Variants in PDZRN4 observed in about 807,000 individuals in gnomAD.
PDZRN4 encodes PDZ domain containing ring finger 4, also known as PDZ domain-containing RING finger protein 4.
PDZRN4 carries 70 observed loss-of-function variants against 99.0 expected under a neutral mutation model. That is an observed-to-expected ratio of 0.71 (90% CI 0.58 to 0.86). The LOEUF is 0.86. PDZRN4 is among the 40% of genes least tolerant of loss of function. The pLI is 0.00. For missense variants in PDZRN4, 1,474 were observed against 1,331.2 expected, an observed-to-expected ratio of 1.11 and a Z score of -1.67; for synonymous variants, 551 against 501.6, an observed-to-expected ratio of 1.10 and a Z score of -1.32.
intron 3 of PDZRN4, among the ~76,000 whole-genome samples, chr12:41,498,897 T>A (rs1938059904): frequency 6.6e-6 from 1 of 152,142 alleles, no homozygotes; most frequent in Non-Finnish European, 1.5e-5. Flanking sequence ...TTTGCAAAGA[T>A]AACAAATTTT....
chr12:41,435,648 C>G (rs1952622947), intron 3 of PDZRN4, among the ~76,000 whole-genome samples: 1 of 152,040 alleles, frequency 6.6e-6, no homozygotes, highest in Non-Finnish European at 1.5e-5. Flanking sequence ...ATTAGCCAGG[C>G]ATGGTGGCAC....
chr12:41,500,624 A>G (rs1027615184), intron 3 of PDZRN4, among the ~76,000 whole-genome samples: 1 of 152,024 alleles, frequency 6.6e-6, no homozygotes, highest in African/African-American at 2.4e-5. Flanking sequence ...GGTTTCCTTC[A>G]TACAATTTTG....
At chr12:41,439,396 C>T (rs1952658167) in intron 3 of PDZRN4, among the ~76,000 whole-genome samples, 1 of 152,110 alleles carries the variant, frequency 6.6e-6, no homozygotes, top group Non-Finnish European at 1.5e-5. Context: ...AGTATTGTTT[C>T]TCTTTGGGTG....
At chr12:41,417,221 T>C (rs1046997655) in intron 3 of PDZRN4, among the ~76,000 whole-genome samples, 1 of 152,330 alleles carries the variant, frequency 6.6e-6, no homozygotes. Context: ...AAAAGGCTTG[T>C]AATTCATACA....
chr12:41,565,491 T>C (rs913639465), intron 8 of PDZRN4, among the ~76,000 whole-genome samples: 11 of 150,064 alleles, frequency 7.3e-5, no homozygotes, highest in Admixed American at 2.7e-4. Flanking sequence ...TATTTTTCCA[T>C]TGAACTCAAT....
At chr12:41,285,644 C>T (rs573724308) in intron 3 of PDZRN4, among the ~76,000 whole-genome samples, 12 of 152,246 alleles carry the variant, frequency 7.9e-5, no homozygotes, top group East Asian at 3.9e-4. Context: ...GAAAATATGG[C>T]ACATGTACAC....
intron 3 of PDZRN4, chr12:41,411,965 C>T (rs1386928209): frequency 2.6e-5 from 4 of 152,136 alleles, no homozygotes; most frequent in South Asian, 2.1e-4. Context: ...AGGTCTACTC[C>T]GGTGTCTGCT....
chr12:41,228,436 G>A (rs1034374997), intron 3 of PDZRN4, among the ~76,000 whole-genome samples: 6 of 151,924 alleles, frequency 3.9e-5, no homozygotes, highest in East Asian at 3.9e-4. Flanking sequence ...TCACAACACC[G>A]TTAGTATTAT....
chr12:41,422,581 A>C (rs533076946), intron 3 of PDZRN4, among the ~76,000 whole-genome samples: 1 of 152,258 alleles, frequency 6.6e-6, no homozygotes, highest in South Asian at 2.1e-4. Context: ...CCTTCTTCAC[A>C]TGGTGACAGG....
rs1939508939 is a variant in PDZRN4 at position 41,572,932 on chromosome 12, G to A, written c.2153G>A (p.Arg718Lys). ...RNYNTSIDMQ[R>K]GKLDDIMEHP... ...TATAACACCAGCATAGATATGCAAA[G>A]GGGAAAGCTAGATGACATCATGGAG... is the stretch of plus-strand genomic sequence containing the variant. The change falls in exon 10 of 10, where the codon AGG becomes AAG. Residue 718 changes from arginine (R) to lysine (K), a missense_variant. Coordinates refer to ENST00000402685, the MANE Select transcript of PDZRN4 (RefSeq NM_001164595.2). 6.2e-7 allele frequency: 1 copy of A among 1,614,064 alleles called. No homozygotes were observed. Among genetic ancestry groups the A allele is most frequent in the South Asian group, 1.1e-5 (1 of 91,072 alleles).
chr12:41,380,319 G>T (rs1201504948), intron 3 of PDZRN4, among the ~76,000 whole-genome samples: 1 of 151,946 alleles, frequency 6.6e-6, no homozygotes, highest in East Asian at 1.9e-4. Context: ...TTTGATTTGA[G>T]AATTTAATTC....
At chr12:41,200,779 G>C (rs940391756) in intron 3 of PDZRN4, among the ~76,000 whole-genome samples, 1 of 152,012 alleles carries the variant, frequency 6.6e-6, no homozygotes, top group African/African-American at 2.4e-5. Flanking sequence ...ATCATCCTGG[G>C]CACCTGGCAA....
At chr12:41,351,302 G>A (rs1337384174) in intron 3 of PDZRN4, among the ~76,000 whole-genome samples, 3 of 152,020 alleles carry the variant, frequency 2.0e-5, no homozygotes, top group Non-Finnish European at 4.4e-5. Flanking sequence ...GTAGTAGTAT[G>A]GTGTTGTAGG....
chr12:41,494,915 A>T (rs1032663383), intron 3 of PDZRN4, among the ~76,000 whole-genome samples: 2 of 152,160 alleles, frequency 1.3e-5, no homozygotes, highest in African/African-American at 2.4e-5. Flanking sequence ...TTTCAAACTG[A>T]TGTGAAATAC....
chr12:41,261,265 T>G (rs1316724200), intron 3 of PDZRN4, among the ~76,000 whole-genome samples: 2 of 152,210 alleles, frequency 1.3e-5, no homozygotes, highest in Non-Finnish European at 2.9e-5. Flanking sequence ...TTGTGAAGAA[T>G]GTAAACTGTA....
At chr12:41,312,837 T>G (rs951794259) in intron 3 of PDZRN4, among the ~76,000 whole-genome samples, 10 of 152,076 alleles carry the variant, frequency 6.6e-5, no homozygotes, top group Non-Finnish European at 4.4e-5. Flanking sequence ...CCTTCTTTTC[T>G]TCTTTCTCTA....
At chr12:41,234,329 T>C (rs1951051078) in intron 3 of PDZRN4, among the ~76,000 whole-genome samples, 1 of 152,232 alleles carries the variant, frequency 6.6e-6, no homozygotes, top group African/African-American at 2.4e-5. Context: ...AGGATTAAAA[T>C]AGAAACTCAA....
intron 3 of PDZRN4, among the ~76,000 whole-genome samples, chr12:41,454,290 A>G (rs1952800538): frequency 6.6e-6 from 1 of 152,234 alleles, no homozygotes; most frequent in Non-Finnish European, 1.5e-5. Flanking sequence ...GGGGAAAAAT[A>G]AAGCCTGCCC....
intron 1 of PDZRN4, among the ~76,000 whole-genome samples, chr12:41,190,870 T>C (rs910598719): frequency 1.3e-5 from 2 of 152,216 alleles, no homozygotes; most frequent in Non-Finnish European, 2.9e-5. Flanking sequence ...CATACTACTT[T>C]ACCTAGCACA....
Sources: allele counts gnomAD v4.1 joint callset (sites outside exome capture counted in the v4.1 genomes callset), GRCh38; gene constraint gnomAD v4.1.1; transcripts MANE v1.5; gene names NCBI Gene and HGNC (gene_info 2026-07-23, HGNC 2026-07-21).